Variants in PCDH15 observed in about 807,000 individuals in gnomAD.
PCDH15 encodes protocadherin related 15.
Under a neutral mutation model 178.5 loss-of-function variants are expected in PCDH15, and 129 were observed. That is an observed-to-expected ratio of 0.72 (90% CI 0.63 to 0.84). The LOEUF is 0.84. PCDH15 is among the 40% of genes least tolerant of loss of function. PCDH15 has a pLI of 0.00. For synonymous variants in PCDH15, 800 were observed against 732.0 expected (o/e 1.09, Z -1.50); for missense variants, 2,230 against 2,099.9 (o/e 1.06, Z -1.21).
chr10:55,297,212 G>C (rs1035004831), intron 1 of PCDH15, among the ~76,000 whole-genome samples: 4 of 151,970 alleles, frequency 2.6e-5, no homozygotes, highest in Admixed American at 2.6e-4. Flanking sequence ...GAAAGAGAGA[G>C]ATTGGAAGTG....
At chr10:54,613,869 T>C (rs2093045940) in intron 2 of PCDH15, among the ~76,000 whole-genome samples, 1 of 151,566 alleles carries the variant, frequency 6.6e-6, no homozygotes, top group Non-Finnish European at 1.5e-5. Flanking sequence ...CTCCTCAACC[T>C]TGGATGAGTT....
chr10:55,521,645 C>T (rs1841178998), intron 2 of PCDH15, among the ~76,000 whole-genome samples: 1 of 151,908 alleles, frequency 6.6e-6, no homozygotes, highest in Admixed American at 6.6e-5. Flanking sequence ...CAGTGAATAA[C>T]ACTGCAGTGA....
At chr10:54,172,457 T>C (rs1463136290) in intron 13 of PCDH15, among the ~76,000 whole-genome samples, 1 of 152,148 alleles carries the variant, frequency 6.6e-6, no homozygotes, top group African/African-American at 2.4e-5. Flanking sequence ...TAAACAGCCA[T>C]GTTGCTCACA....
chr10:54,949,066 TATATA>T, intron 2 of PCDH15, among the ~76,000 whole-genome samples: 1 of 152,052 alleles, frequency 6.6e-6, no homozygotes, highest in Middle Eastern at 3.4e-3. Flanking sequence ...GAGGAAAACA[TATATA>T]ATAATATCTA....
At chr10:54,931,266 A>C (rs1158220103) in intron 2 of PCDH15, among the ~76,000 whole-genome samples, 1 of 152,216 alleles carries the variant, frequency 6.6e-6, no homozygotes, top group Non-Finnish European at 1.5e-5. Flanking sequence ...TCTGTTAAAC[A>C]GAAACATATC....
chr10:55,568,915 T>G (rs569883755), intron 2 of PCDH15, among the ~76,000 whole-genome samples: 1 of 152,118 alleles, frequency 6.6e-6, no homozygotes. Flanking sequence ...GGGGTAACTT[T>G]GAGCAAGGCA....
intron 3 of PCDH15, among the ~76,000 whole-genome samples, chr10:54,442,854 G>A (rs891597447): frequency 2.0e-5 from 3 of 151,416 alleles, no homozygotes; most frequent in Non-Finnish European, 3.0e-5. Flanking sequence ...GTTAGGAAAC[G>A]CCATTGTTTA....
intron 2 of PCDH15, among the ~76,000 whole-genome samples, chr10:54,557,440 G>C (rs1000835593): frequency 6.6e-6 from 1 of 152,088 alleles, no homozygotes; most frequent in Non-Finnish European, 1.5e-5. Flanking sequence ...TAGAAAAAGA[G>C]AACTCTAGAT....
chr10:54,768,031 A>G (rs1202690498), intron 1 of PCDH15, among the ~76,000 whole-genome samples: 1 of 152,156 alleles, frequency 6.6e-6, no homozygotes, highest in African/African-American at 2.4e-5. Context: ...TAATAGGTGA[A>G]CCTGTATGCT....
At chr10:55,069,384 G>C (rs1044020447) in intron 2 of PCDH15, among the ~76,000 whole-genome samples, 17 of 145,664 alleles carry the variant, frequency 1.2e-4, no homozygotes, top group African/African-American at 4.1e-4. Context: ...CCATTAACTC[G>C]TCATTTAGCA....
Position 54,153,230 on chromosome 10 carries a change from C to T in PCDH15, c.1654G>A (p.Ala552Thr), listed in dbSNP as rs775406762. Residue 552 changes from alanine to threonine, a missense_variant, in exon 14 of 38, where the codon GCT (alanine) becomes ACT (threonine). Ala to Thr is a moderately conservative substitution (Grantham distance 58, BLOSUM62 0). Transcript: ENST00000644397. ...GEITYEILVG[A>T]QGDFIINKTT... ...TTATTGATGATGAAGTCTCCCTGAG[C>T]CCCAACAAGGATTTCATATGTGATC... 6.2e-7 allele frequency: 1 copy of T among 1,613,832 alleles called. No individual in the cohort carries two copies. Among genetic ancestry groups the T allele is most frequent in the Non-Finnish European group, 8.5e-7 (1 of 1,179,868 alleles).
In PCDH15 at chr10:55,168,077, T is replaced by C. The variant is rs575969122; in HGVS notation, c.-155-1426A>G. ...AAAGGAGAAAATAAATAGTACTATA[T>C]TCAAAATATAAAAACAATAAGCAGT... On this transcript the variant is annotated intron_variant, in intron 1 of 5. Transcript: ENST00000458638. Among the ~76,000 whole-genome samples the C allele has an allele frequency of 5.9e-5, 9 of 152,304 alleles. No individual in the cohort carries two copies. In the East Asian group the frequency reaches 1.3e-3, roughly 23 times the overall value.
intron 32 of PCDH15, among the ~76,000 whole-genome samples, chr10:53,824,724 A>G (rs923377129): frequency 1.2e-4 from 18 of 152,082 alleles, no homozygotes; most frequent in African/African-American, 3.6e-4. Flanking sequence ...TTGTTTTTGT[A>G]AACAAACATT....
intron 18 of PCDH15, among the ~76,000 whole-genome samples, chr10:54,049,888 G>C (rs1031420172): frequency 8.6e-5 from 13 of 152,036 alleles, no homozygotes; most frequent in Admixed American, 7.2e-4. Flanking sequence ...CAAAGTGCTG[G>C]GATTACAGGT....
intron 5 of PCDH15, 50 bp downstream of exon 5, chr10:54,369,070 A>T: frequency 6.3e-7 from 1 of 1,575,400 alleles, no homozygotes; most frequent in Non-Finnish European, 8.7e-7. Context: ...GTATATAGTT[A>T]GATACATATA....
At chr10:54,288,790 G>A (rs11004204) in intron 8 of PCDH15, among the ~76,000 whole-genome samples, 6,183 of 152,306 alleles carry the variant, frequency 0.041, 413 homozygotes, top group African/African-American at 0.14. Flanking sequence ...TTGAACTGCG[G>A]GGCAGCAGCC....
At chr10:55,416,425 ATGACTATGTAAT>A (rs1838485470) in intron 2 of PCDH15, among the ~76,000 whole-genome samples, 1 of 151,794 alleles carries the variant, frequency 6.6e-6, no homozygotes, top group South Asian at 2.1e-4. Context: ...TTTATTCAGG[ATGACTATGTAAT>A]TACATATGTC....
intron 2 of PCDH15, among the ~76,000 whole-genome samples, chr10:54,898,344 A>G (rs1954582001): frequency 6.6e-6 from 1 of 152,190 alleles, no homozygotes; most frequent in African/African-American, 2.4e-5. Context: ...ATATCATAAT[A>G]AAGTTTTGGA....
chr10:54,600,548 C>T lies in PCDH15; in HGVS notation c.91+63624G>A. 7 of 581,310 alleles carry T rather than the reference C, an allele frequency of 1.2e-5. 1 individual carries two copies. Among genetic ancestry groups the T allele is most frequent in the South Asian group, 8.2e-5 (6 of 72,752 alleles). The allele number at this position is 581,310 out of a possible 1,614,324, so 36.0% of individuals were successfully genotyped here. A position where few individuals can be genotyped will look rare whatever the true frequency, so the allele number is the denominator to read the frequency against. ...GAGAGGGAGATGGTGCTACCAAATACATCACTAAAACTGTAACCATCACTC... is the reference window on the plus strand; with the variant it reads ...GAGAGGGAGATGGTGCTACCAAATATATCACTAAAACTGTAACCATCACTC... On this transcript the variant is annotated intron_variant, in intron 2 of 37. Coordinates refer to ENST00000644397, the MANE Select transcript of PCDH15 (RefSeq NM_001384140.1).
Sources: allele counts gnomAD v4.1 joint callset (sites outside exome capture counted in the v4.1 genomes callset), GRCh38; gene constraint gnomAD v4.1.1; transcripts MANE v1.5; gene names NCBI Gene and HGNC (gene_info 2026-07-23, HGNC 2026-07-21).